Variants in SMG6 observed in about 807,000 individuals in gnomAD.
SMG6 encodes telomerase-binding protein EST1A.
SMG6 carries 66 observed loss-of-function variants against 142.2 expected under a neutral mutation model. The observed-to-expected ratio is 0.46, with a 90% CI of 0.38 to 0.57. The LOEUF is 0.57. Ranked by LOEUF, SMG6 falls within the 20% of genes least tolerant of loss-of-function variation. The probability of loss-of-function intolerance (pLI) is 0.00; values close to 1 mark genes in which losing one functional copy is unlikely to be tolerated. For synonymous variants in SMG6, 779 were observed against 702.4 expected, an observed-to-expected ratio of 1.11 and a Z score of -1.72; for missense variants, 1,793 against 1,832.0, an observed-to-expected ratio of 0.98 and a Z score of 0.39.
intron 13 of SMG6, among the ~76,000 whole-genome samples, chr17:2,165,931 G>C (rs1490366482): frequency 3.3e-5 from 5 of 152,014 alleles, no homozygotes; most frequent in African/African-American, 1.2e-4. Flanking sequence ...AAACAAAATG[G>C]ACGGGCGCGG....
chr17:2,085,923 A>C lies in SMG6; in HGVS notation c.3358-22T>G, dbSNP rs973130162. 8 of 1,611,254 alleles carry C rather than the reference A, an allele frequency of 5.0e-6. No individual in the cohort carries two copies. The Admixed American group carries it at 1.3e-4, about 27-fold the overall frequency. On this transcript the variant is annotated intron_variant, in intron 13 of 18. Coordinates refer to ENST00000263073, the MANE Select transcript of SMG6 (RefSeq NM_017575.5). This position sits in a 1 kb window ranked among gnomAD's most constrained non-coding sequence, Gnocchi z 4.1. ...TAACCTACAGGGTGAGAGGGAGAGA[A>C]GAAAAACAGCATTTTCTGAAAGGGA... is the stretch of plus-strand genomic sequence containing the variant.
In SMG6 at chr17:2,269,098, T is replaced by C. The variant is rs554404788; in HGVS notation, c.2661+13549A>G. On this transcript the variant is annotated intron_variant, in intron 8 of 18. Transcript: ENST00000263073. ...AGGCGCCTGTAGTCCCAGCTACTCA[T>C]AGTCCCAGCTACCCGAGAGGCTGCG... Among the ~76,000 whole-genome samples the C allele has an allele frequency of 7.3e-5, 11 of 151,100 alleles. No individual in the cohort carries two copies. The East Asian group carries it at 2.0e-3, about 27-fold the overall frequency.
At chr17:2,091,772 G>A (rs1471313894) in intron 13 of SMG6, among the ~76,000 whole-genome samples, 2 of 150,996 alleles carry the variant, frequency 1.3e-5, no homozygotes, top group South Asian at 2.1e-4. Context: ...CCGCGTTCAC[G>A]CCATTCTCCT....
intron 13 of SMG6, among the ~76,000 whole-genome samples, chr17:2,152,147 T>A (rs1311679898): frequency 6.6e-6 from 1 of 152,116 alleles, no homozygotes; most frequent in Non-Finnish European, 1.5e-5. Flanking sequence ...AGGAACCCAG[T>A]TGAAGGTAAG....
chr17:2,099,784 T>C (rs2068955194), intron 13 of SMG6, among the ~76,000 whole-genome samples: 1 of 152,214 alleles, frequency 6.6e-6, no homozygotes, highest in Admixed American at 6.5e-5. Context: ...CTTCTTCACA[T>C]CTGAACATGA....
chr17:2,263,447 A>T (rs1399777258), intron 8 of SMG6, among the ~76,000 whole-genome samples: 1 of 152,218 alleles, frequency 6.6e-6, no homozygotes, highest in East Asian at 1.9e-4. Context: ...AACGACACGG[A>T]AAAAACAGTA....
rs374829069 is a variant in SMG6, at chr17:2,244,557, C to T, written c.2723+101G>A. 2.9e-5 allele frequency: 25 copies of T among 863,634 alleles called. No individual in the cohort carries two copies. The Admixed American group carries it at 4.2e-4, about 15-fold the overall frequency. The allele number at this position is 863,634 out of a possible 1,614,324, so 53.5% of individuals were successfully genotyped here. ...AGGTGGAGGCCTCTAAGAATTCACA[C>T]CCTGTGCCCTCAGTTACAAACACAG... On this transcript the variant is annotated intron_variant, in intron 9 of 18. Coordinates refer to ENST00000263073, the MANE Select transcript of SMG6 (RefSeq NM_017575.5).
chr17:2,192,495 CAACT>C (rs1478584339), intron 10 of SMG6, among the ~76,000 whole-genome samples: 4 of 152,146 alleles, frequency 2.6e-5, no homozygotes, highest in Non-Finnish European at 5.9e-5. Context: ...CCCAGAGAAC[CAACT>C]ATCTGCCTGG....
intron 6 of SMG6, among the ~76,000 whole-genome samples, chr17:2,285,386 C>A (rs953564400): frequency 1.3e-5 from 2 of 151,940 alleles, no homozygotes; most frequent in African/African-American, 2.4e-5. Context: ...GAAGAAAGTG[C>A]GAATCTAGGT....
chr17:2,145,301 T>C (rs2070630407), intron 13 of SMG6, among the ~76,000 whole-genome samples: 1 of 149,684 alleles, frequency 6.7e-6, no homozygotes, highest in African/African-American at 2.5e-5. Context: ...TTTTTTGTCC[T>C]CTTAGTAAAG....
intron 4 of SMG6, among the ~76,000 whole-genome samples, chr17:2,294,934 AAC>A: frequency 6.6e-6 from 1 of 152,062 alleles, no homozygotes; most frequent in Non-Finnish European, 1.5e-5. Flanking sequence ...AGAGTGCAAT[AAC>A]GCAGTCTTAG....
At chr17:2,254,114 C>T (rs1320671652) in intron 8 of SMG6, among the ~76,000 whole-genome samples, 2 of 152,222 alleles carry the variant, frequency 1.3e-5, no homozygotes, top group Admixed American at 1.3e-4. Flanking sequence ...AACACTGTTG[C>T]TCTGACTGAG....
At chr17:2,083,691 C>A (rs2068482660) in intron 14 of SMG6, among the ~76,000 whole-genome samples, 1 of 152,248 alleles carries the variant, frequency 6.6e-6, no homozygotes, top group African/African-American at 2.4e-5. Context: ...GTGAGCGGGA[C>A]AGAATGCCTG....
intron 13 of SMG6, chr17:2,088,582 C>T: frequency 1.0e-6 from 1 of 985,382 alleles, no homozygotes; most frequent in Non-Finnish European, 1.2e-6. Flanking sequence ...GTTAACAGGC[C>T]TGGAAAGGAT....
At chr17:2,102,004 A>C (rs9898364) in intron 13 of SMG6, among the ~76,000 whole-genome samples, 15,476 of 152,152 alleles carry the variant, frequency 0.1, 850 homozygotes, top group African/African-American at 0.13. Context: ...GATTTCTTGA[A>C]GACTGAACTC....
At chr17:2,069,735 C>T (rs1290968109) in intron 15 of SMG6, among the ~76,000 whole-genome samples, 1 of 152,252 alleles carries the variant, frequency 6.6e-6, no homozygotes, top group Non-Finnish European at 1.5e-5. Context: ...TGAATTAAGA[C>T]TCAACTCATG....
chr17:2,184,035 G>A (rs182045997), intron 12 of SMG6, among the ~76,000 whole-genome samples: 1 of 152,262 alleles, frequency 6.6e-6, no homozygotes, highest in East Asian at 1.9e-4. Context: ...CACAGACACA[G>A]ACTGACATGG....
Position 2,298,007 on chromosome 17 carries a change from C to G in SMG6, c.1896G>C (p.Glu632Asp), listed in dbSNP as rs780560567. 4.6e-5 allele frequency: 75 copies of G among 1,612,926 alleles called. No homozygotes were observed. The highest frequency in any genetic ancestry group is 6.4e-5 in the Non-Finnish European group (75 of 1,180,010). Residue 632 changes from glutamate (E) to aspartate (D), a missense_variant, in exon 3 of 19, where the codon GAG becomes GAC. Physicochemically the swap from Glu to Asp is conservative, Grantham distance 45 (BLOSUM62 2). This residue lies in a region of SMG6 where 1,597 missense variants were observed against 1,584.6 expected (regional missense o/e 1.01). Transcript: ENST00000263073. The stretch of plus-strand genomic sequence containing the variant: ...GATCCACATTCTGATTATCAGAGAA[C>G]TCAATATCTAATAGAATACAGCGCT... The part of the protein sequence containing the change: ...LYERCILLDI[E>D]FSDNQNVDQI...
chr17:2,209,891 G>C (rs2072797023), intron 10 of SMG6, among the ~76,000 whole-genome samples: 1 of 152,158 alleles, frequency 6.6e-6, no homozygotes, highest in Non-Finnish European at 1.5e-5. Flanking sequence ...TGCCAGGCAG[G>C]GAAGAGGGTC....
Sources: gnomAD v4.1 joint callset for allele counts (sites outside exome capture counted in the v4.1 genomes callset) on GRCh38, gnomAD v4.1.1 for gene constraint, gnomAD v4.1.1 regional missense constraint, Gnocchi (gnomAD v3.1) non-coding constraint, MANE v1.5 for transcripts, NCBI Gene and HGNC (gene_info 2026-07-23, HGNC 2026-07-21) for gene names.